Variants in RARB observed in about 807,000 individuals in gnomAD.
RARB encodes the protein HBV-activated protein.
RARB carries 17 observed loss-of-function variants against 51.9 expected under a neutral mutation model. The observed-to-expected ratio is 0.33, with a 90% CI of 0.22 to 0.49. RARB has a LOEUF of 0.49. Ranked by LOEUF, RARB falls within the 20% of genes least tolerant of loss-of-function variation. The probability of loss-of-function intolerance (pLI) is 0.99; values close to 1 mark genes in which losing one functional copy is unlikely to be tolerated. For synonymous variants in RARB, 215 were observed against 195.4 expected, an observed-to-expected ratio of 1.10 and a Z score of -0.84; for missense variants, 369 against 550.8, an observed-to-expected ratio of 0.67 and a Z score of 3.30.
At chr3:25,117,251 C>T (rs150172475) in intron 3 of RARB, among the ~76,000 whole-genome samples, 35 of 152,216 alleles carry the variant, frequency 2.3e-4, no homozygotes, top group Admixed American at 6.5e-4. Context: ...GTAATAACTG[C>T]GCCTGAAGGT....
rs543232312 is a variant in RARB at position 25,498,809 on chromosome 3, A to G, written c.307-2373A>G. 1.4e-4 allele frequency among the ~76,000 whole-genome samples: 21 copies of G among 152,340 alleles called. 1 individual carries two copies. The highest frequency in any genetic ancestry group is 3.9e-4 in the Admixed American group (6 of 15,312). ...CATTGTGTTAATGTTTCTCGGCAGAAGAGCGATGGAGGTTTCTGTAAACTG... is the reference window on the plus strand; with the variant it reads ...CATTGTGTTAATGTTTCTCGGCAGAGGAGCGATGGAGGTTTCTGTAAACTG... On this transcript the variant is annotated intron_variant, in intron 2 of 7. Coordinates refer to ENST00000330688, the MANE Select transcript of RARB (RefSeq NM_000965.5).
chr3:25,135,338 C>G (rs1700015851), intron 4 of RARB, among the ~76,000 whole-genome samples: 1 of 151,802 alleles, frequency 6.6e-6, no homozygotes, highest in South Asian at 2.1e-4. Flanking sequence ...TATCGGATGA[C>G]ACAATTCTAA....
Position 25,593,620 on chromosome 3 carries a change from G to T in RARB, c.904G>T (p.Val302Leu). The change falls in exon 6 of 8, where the codon GTG (valine) becomes TTG (leucine). Residue 302 changes from valine (V) to leucine (L), a missense_variant. Transcript: ENST00000330688. ...NAGFGPLTDL[V>L]FTFANQLLPL... ...TGGATTTGGTCCTCTGACTGACCTT[G>T]TGTTCACCTTTGCCAACCAGCTCCT... 6.2e-7 allele frequency: 1 copy of T among 1,614,052 alleles called. No homozygotes were observed. Among genetic ancestry groups the T allele is most frequent in the Non-Finnish European group, 8.5e-7 (1 of 1,179,986 alleles).
At chr3:25,159,292 C>T (rs989924052) in intron 4 of RARB, among the ~76,000 whole-genome samples, 6 of 150,682 alleles carry the variant, frequency 4.0e-5, no homozygotes, top group East Asian at 2.0e-4. Flanking sequence ...GCCTCAGCCT[C>T]GTGAGTAGCT....
intron 4 of RARB, among the ~76,000 whole-genome samples, chr3:25,166,929 A>T (rs578001427): frequency 3.3e-5 from 5 of 152,156 alleles, no homozygotes; most frequent in African/African-American, 4.8e-5. Flanking sequence ...TCTATATTTT[A>T]TTTATTATTT....
chr3:24,994,599 T>A (rs1575110303), intron 2 of RARB, among the ~76,000 whole-genome samples: 1 of 152,190 alleles, frequency 6.6e-6, no homozygotes, highest in East Asian at 1.9e-4. Context: ...GTTTCCCCTA[T>A]TTTTTCCTCT....
chr3:25,576,626 G>A (rs191451840), intron 4 of RARB, among the ~76,000 whole-genome samples: 141 of 152,268 alleles, frequency 9.3e-4, no homozygotes, highest in African/African-American at 3.2e-3. Flanking sequence ...GGAATCCTGC[G>A]GCATCACTCT....
At chr3:24,984,470 TTTAAAG>T (rs1271761735) in intron 2 of RARB, among the ~76,000 whole-genome samples, 10 of 152,194 alleles carry the variant, frequency 6.6e-5, no homozygotes, top group Admixed American at 2.6e-4. Flanking sequence ...AAACATCTCT[TTTAAAG>T]TTAAACTATG....
intron 3 of RARB, among the ~76,000 whole-genome samples, chr3:25,064,383 T>C (rs546739108): frequency 1.3e-5 from 2 of 152,288 alleles, no homozygotes; most frequent in South Asian, 4.1e-4. Flanking sequence ...GATATACAGC[T>C]TCAATATTCT....
chr3:24,997,230 TTA>T (rs554031425), intron 2 of RARB, among the ~76,000 whole-genome samples: 230 of 152,294 alleles, frequency 1.5e-3, no homozygotes, highest in Non-Finnish European at 2.7e-3. Flanking sequence ...TTGCTCGTTT[TTA>T]TAGCTTTTAA....
intron 2 of RARB, among the ~76,000 whole-genome samples, chr3:25,470,429 A>G (rs1231636468): frequency 1.3e-5 from 2 of 152,146 alleles, no homozygotes; most frequent in African/African-American, 4.8e-5. Flanking sequence ...ACAGAGAAGG[A>G]GTCTCGGATC....
At chr3:25,248,230 T>C (rs942597718) in intron 5 of RARB, among the ~76,000 whole-genome samples, 18 of 152,192 alleles carry the variant, frequency 1.2e-4, no homozygotes, top group Non-Finnish European at 2.6e-4. Context: ...CAATATCTTT[T>C]TTCATCCCTT....
At chr3:25,554,924 C>G (rs995319125) in intron 3 of RARB, among the ~76,000 whole-genome samples, 1 of 152,092 alleles carries the variant, frequency 6.6e-6, no homozygotes, top group Non-Finnish European at 1.5e-5. Context: ...CCATCAGTTC[C>G]TCTCATGACC....
chr3:25,055,921 T>C (rs1354531007), intron 2 of RARB, among the ~76,000 whole-genome samples: 1 of 152,096 alleles, frequency 6.6e-6, no homozygotes, highest in Admixed American at 6.6e-5. Context: ...TCTGGGGACA[T>C]GTGGGCAGTG....
At chr3:24,875,724 A>G (rs1264520198) in intron 2 of RARB, among the ~76,000 whole-genome samples, 1 of 152,104 alleles carries the variant, frequency 6.6e-6, no homozygotes, top group Admixed American at 6.5e-5. Context: ...TACAATGATC[A>G]AAATCAAGAA....
At chr3:24,998,982 C>T (rs1219159976) in intron 2 of RARB, among the ~76,000 whole-genome samples, 2 of 152,056 alleles carry the variant, frequency 1.3e-5, no homozygotes, top group Non-Finnish European at 2.9e-5. Flanking sequence ...AATGAAAAAA[C>T]TTGGATTCCA....
intron 5 of RARB, among the ~76,000 whole-genome samples, chr3:25,587,300 C>A (rs571802351): frequency 3.7e-4 from 57 of 152,026 alleles, no homozygotes; most frequent in African/African-American, 1.3e-3. Context: ...GCTGTGCTGT[C>A]TAGTTCAGCA....
chr3:24,940,901 GAA>G (rs1195977222), intron 2 of RARB, among the ~76,000 whole-genome samples: 1 of 152,252 alleles, frequency 6.6e-6, no homozygotes, highest in African/African-American at 2.4e-5. Context: ...AATTTAGGGA[GAA>G]AATGAGAACT....
intron 2 of RARB, among the ~76,000 whole-genome samples, chr3:24,981,327 T>A (rs375167585): frequency 3.9e-5 from 6 of 152,136 alleles, no homozygotes; most frequent in African/African-American, 1.4e-4. Context: ...GGGGCTTAAG[T>A]CTGTAGAAGC....
Sources: gnomAD v4.1 joint callset for allele counts (sites outside exome capture counted in the v4.1 genomes callset) on GRCh38, gnomAD v4.1.1 for gene constraint, MANE v1.5 for transcripts, NCBI Gene and HGNC (gene_info 2026-07-23, HGNC 2026-07-21) for gene names.